Variants in KYNU observed in about 807,000 individuals in gnomAD.
The protein encoded by KYNU is L-kynurenine hydrolase.
In KYNU, 54 loss-of-function variants were observed where a neutral mutation model predicts 59.2. That is an observed-to-expected ratio of 0.91 (90% CI 0.73 to 1.14). The LOEUF is 1.14. Ranked by LOEUF, KYNU falls within the 50% of genes most tolerant of loss-of-function variation. The pLI is 0.00. For synonymous variants in KYNU, 177 were observed against 192.0 expected (o/e 0.92, Z 0.65); for missense variants, 567 against 554.4 (o/e 1.02, Z -0.23).
At chr2:142,950,636 G>C (rs1339873762) in intron 4 of KYNU, among the ~76,000 whole-genome samples, 1 of 152,200 alleles carries the variant, frequency 6.6e-6, no homozygotes, top group Non-Finnish European at 1.5e-5. Flanking sequence ...CAATACATGG[G>C]AATTCAAGAT....
At position 142,918,853 on chromosome 2, in the gene KYNU, G is replaced by C; in HGVS notation, c.290+124G>C. On this transcript the variant is annotated intron_variant, in intron 3 of 13. Transcript: ENST00000264170. Reference sequence around the variant, plus strand: ...CTAGTACAGTCATCCCTTGGCATCTGTGGAGGATTAGTTCCAGGGCCTCCC... The same window carrying C: ...CTAGTACAGTCATCCCTTGGCATCTCTGGAGGATTAGTTCCAGGGCCTCCC... 1.8e-6 allele frequency: 2 copies of C among 1,140,190 alleles called. 1 individual carries two copies. The highest frequency in any genetic ancestry group is 2.8e-5 in the South Asian group (2 of 70,658). 70.6% of individuals were successfully genotyped at this position (1,140,190 alleles called of 1,614,324 possible). A position where few individuals can be genotyped will look rare whatever the true frequency, so the allele number is the denominator to read the frequency against.
intron 4 of KYNU, among the ~76,000 whole-genome samples, chr2:142,941,464 A>G (rs1683598124): frequency 6.6e-6 from 1 of 152,234 alleles, no homozygotes. Context: ...AGAAGATAAC[A>G]ATTATTTCTT....
intron 8 of KYNU, chr2:142,971,210 C>T (rs1684709989): frequency 6.6e-6 from 1 of 152,126 alleles, no homozygotes; most frequent in African/African-American, 2.4e-5. Context: ...TTAGATGGGG[C>T]TTAAGCTCTT....
rs951372712 is a variant in KYNU, at chr2:143,042,899, G to A, written c.*727G>A. ...TTTCTCGTTACCATCTATGAAATTA[G>A]CATGCATCTCAAATAAACAGTTACC... On this transcript the variant is annotated 3_prime_UTR_variant, in exon 14 of 14. Transcript: ENST00000264170. The A allele has an allele frequency of 6.6e-6, 1 of 151,240 alleles. No individual in the cohort carries two copies. The highest frequency in any genetic ancestry group is 6.6e-5 in the Admixed American group (1 of 15,094). The allele number at this position is 151,240 out of a possible 1,614,324, so 9.4% of individuals were successfully genotyped here.
At chr2:142,918,510 C>A in intron 2 of KYNU, 99 bp from the exon 3 acceptor site, 1 of 1,280,160 alleles carries the variant, frequency 7.8e-7, no homozygotes, top group Non-Finnish European at 1.1e-6. Context: ...TTTTATCCTT[C>A]TTAGAGTTGA....
Position 143,055,525 on chromosome 2 carries a change from C to T in KYNU, c.*13353C>T, listed in dbSNP as rs556031621. ...ATGTTAAGGTCAATTGATTAGTGAC[C>T]TAATTCCATCTACAATCACAATTCC... On this transcript the variant is annotated 3_prime_UTR_variant, in exon 14 of 14. Transcript: ENST00000264170. 6 of 152,168 alleles carry T rather than the reference C, an allele frequency of 3.9e-5. No individual in the cohort carries two copies. The highest frequency in any genetic ancestry group is 2.6e-4 in the Admixed American group (4 of 15,272). 9.4% of individuals were successfully genotyped at this position (152,168 alleles called of 1,614,324 possible). A position where few individuals can be genotyped will look rare whatever the true frequency, so the allele number is the denominator to read the frequency against.
intron 4 of KYNU, among the ~76,000 whole-genome samples, chr2:142,940,912 G>A (rs1171568859): frequency 6.6e-6 from 1 of 152,184 alleles, no homozygotes; most frequent in Non-Finnish European, 1.5e-5. Context: ...ATGTTTGCCA[G>A]TTTACTATAA....
chr2:143,028,518 AG>A (rs1171199522), intron 10 of KYNU, among the ~76,000 whole-genome samples: 1 of 147,536 alleles, frequency 6.8e-6, no homozygotes, highest in Non-Finnish European at 1.5e-5. Context: ...CTGGGATTAC[AG>A]GTGTGAGCCA....
intron 2 of KYNU, among the ~76,000 whole-genome samples, chr2:142,890,078 T>C (rs1337347688): frequency 6.6e-6 from 1 of 151,578 alleles, no homozygotes; most frequent in Non-Finnish European, 1.5e-5. Context: ...TTTGTACTTA[T>C]GTTCAACATT....
chr2:142,940,257 A>T (rs1159673848), intron 4 of KYNU, among the ~76,000 whole-genome samples: 1 of 152,064 alleles, frequency 6.6e-6, no homozygotes, highest in East Asian at 1.9e-4. Flanking sequence ...TTAGCTGTGA[A>T]TTTTTTTTCA....
chr2:142,975,490 C>T (rs1026761168), intron 8 of KYNU, among the ~76,000 whole-genome samples: 1 of 152,184 alleles, frequency 6.6e-6, no homozygotes, highest in Non-Finnish European at 1.5e-5. Context: ...CCTGACTCCA[C>T]ACTGAGCTTG....
Position 143,049,802 on chromosome 2 carries a change from T to A in KYNU, c.*7630T>A, listed in dbSNP as rs1306223702. On this transcript the variant is annotated 3_prime_UTR_variant, in exon 14 of 14. Transcript: ENST00000264170. ...TGTTTCTGTTGGAGTTCACATATGATGCCTTGTTTCCTTTGTAGTTTTGTG... is the reference window on the plus strand; with the variant it reads ...TGTTTCTGTTGGAGTTCACATATGAAGCCTTGTTTCCTTTGTAGTTTTGTG... 9 of 152,190 alleles carry A rather than the reference T, an allele frequency of 5.9e-5. No individual in the cohort carries two copies. Among genetic ancestry groups the A allele is most frequent in the African/African-American group, 2.2e-4 (9 of 41,464 alleles). 9.4% of individuals were successfully genotyped at this position (152,190 alleles called of 1,614,324 possible). A position where few individuals can be genotyped will look rare whatever the true frequency, so the allele number is the denominator to read the frequency against.
At chr2:143,037,007 GAT>G (rs1299771588) in intron 12 of KYNU, among the ~76,000 whole-genome samples, 2 of 152,220 alleles carry the variant, frequency 1.3e-5, no homozygotes, top group East Asian at 3.9e-4. Flanking sequence ...TTTTTAAAAA[GAT>G]ATTAATATGG....
intron 7 of KYNU, among the ~76,000 whole-genome samples, chr2:142,960,377 AAATC>A (rs1268891697): frequency 8.5e-5 from 13 of 152,330 alleles, no homozygotes; most frequent in African/African-American, 3.1e-4. Flanking sequence ...ACTGGAGAAT[AAATC>A]AAGCAATTCG....
At position 143,012,203 on chromosome 2, in the gene KYNU, C is replaced by G. The variant is rs898336531; in HGVS notation, c.903-17424C>G. Among the ~76,000 whole-genome samples, 4 of 152,070 alleles carry G rather than the reference C, an allele frequency of 2.6e-5. No individual in the cohort carries two copies. The South Asian group carries it at 8.3e-4, about 31-fold the overall frequency. ...AGCTATCTCAGAAGGGGCTCTGGAC[C>G]AGGCACGATGACTCACGCCTGTAAT... On this transcript the variant is annotated intron_variant, in intron 10 of 13. Transcript: ENST00000264170.
At chr2:143,014,149 A>T (rs1686188352) in intron 10 of KYNU, among the ~76,000 whole-genome samples, 1 of 152,244 alleles carries the variant, frequency 6.6e-6, no homozygotes, top group Non-Finnish European at 1.5e-5. Flanking sequence ...TGGGGCATGA[A>T]GAAATTCTTT....
chr2:142,971,573 C>A (rs1421824633), intron 8 of KYNU, among the ~76,000 whole-genome samples: 1 of 152,136 alleles, frequency 6.6e-6, no homozygotes, highest in African/African-American at 2.4e-5. Context: ...ACTTCTATGC[C>A]TATTTTAACT....
intron 11 of KYNU, among the ~76,000 whole-genome samples, chr2:143,030,226 T>G (rs1686701121): frequency 6.6e-6 from 1 of 152,226 alleles, no homozygotes; most frequent in African/African-American, 2.4e-5. Context: ...TCACTCCTCT[T>G]TTTTCCTATT....
In KYNU at chr2:143,043,843, T is replaced by C. The variant is rs1211174457; in HGVS notation, c.*1671T>C. The C allele has an allele frequency of 6.8e-6, 1 of 147,562 alleles. No homozygotes were observed. The highest frequency in any genetic ancestry group is 1.5e-5 in the Non-Finnish European group (1 of 67,166). 9.1% of individuals were successfully genotyped at this position (147,562 alleles called of 1,614,324 possible). Reference sequence around the variant, plus strand: ...ATAATATATATAAAGTATAAATATATATATATTTATACTTTAAGTTCTTGG... The same window carrying C: ...ATAATATATATAAAGTATAAATATACATATATTTATACTTTAAGTTCTTGG... On this transcript the variant is annotated 3_prime_UTR_variant, in exon 14 of 14. Coordinates refer to ENST00000264170, the MANE Select transcript of KYNU (RefSeq NM_003937.3).
Sources: allele counts gnomAD v4.1 joint callset (sites outside exome capture counted in the v4.1 genomes callset), GRCh38; gene constraint gnomAD v4.1.1; transcripts MANE v1.5; gene names NCBI Gene and HGNC (gene_info 2026-07-23, HGNC 2026-07-21).